RPIA: variants seen among roughly 807,000 people sequenced by gnomAD.
The protein encoded by RPIA is ribose-5-phosphate isomerase.
In RPIA, 29 loss-of-function variants were observed where a neutral mutation model predicts 37.8. That is an observed-to-expected ratio of 0.77 (90% confidence interval 0.57 to 1.05). RPIA has a LOEUF of 1.05. RPIA is among the 50% of genes least tolerant of loss of function. The pLI, the probability that RPIA is intolerant of heterozygous loss-of-function variation, is 0.00. For synonymous variants in RPIA, 167 were observed against 157.0 expected (o/e 1.06, Z -0.48); for missense variants, 385 against 413.6 (o/e 0.93, Z 0.60).
intron 1 of RPIA, among the ~76,000 whole-genome samples, chr2:88,693,048 CAG>C (rs749645167): frequency 5.3e-5 from 8 of 152,126 alleles, no homozygotes; most frequent in Non-Finnish European, 1.0e-4. Flanking sequence ...TGGGGATTAA[CAG>C]AGATAATGTA....
chr2:88,736,944 C>T (rs985903347), intron 7 of RPIA, among the ~76,000 whole-genome samples: 2 of 152,156 alleles, frequency 1.3e-5, no homozygotes, highest in African/African-American at 4.8e-5. Flanking sequence ...GTTCTGACAT[C>T]CCACAGGTGA....
At chr2:88,702,302 A>G (rs1389501626) in intron 3 of RPIA, among the ~76,000 whole-genome samples, 2 of 152,150 alleles carry the variant, frequency 1.3e-5, no homozygotes, top group Non-Finnish European at 2.9e-5. Flanking sequence ...CTACAGTCTC[A>G]TTTTTCCTCC....
intron 4 of RPIA, among the ~76,000 whole-genome samples, chr2:88,733,446 G>C (rs115044039): frequency 0.01 from 1,544 of 152,302 alleles, 20 homozygotes; most frequent in African/African-American, 0.036. Context: ...TGTGGGCAGA[G>C]CCAGGGGCAC....
intron 3 of RPIA, among the ~76,000 whole-genome samples, chr2:88,726,141 C>T (rs150227795): frequency 6.6e-6 from 1 of 152,062 alleles, no homozygotes; most frequent in African/African-American, 2.4e-5. Flanking sequence ...CACAGTGGGC[C>T]CCCCAGCTGC....
At chr2:88,734,738 A>T in intron 5 of RPIA, 122 bp downstream of exon 5, 1 of 1,047,806 alleles carries the variant, frequency 9.5e-7, no homozygotes, top group Non-Finnish European at 1.5e-6. Context: ...TTCTCCTAGG[A>T]TATTGATAGC....
At chr2:88,692,793 A>G (rs750081352) in intron 1 of RPIA, among the ~76,000 whole-genome samples, 1 of 152,188 alleles carries the variant, frequency 6.6e-6, no homozygotes, top group Non-Finnish European at 1.5e-5. Context: ...AGAAAGTGGT[A>G]TTAGAGTCTC....
At chr2:88,725,108 TC>T (rs2104117694) in intron 3 of RPIA, among the ~76,000 whole-genome samples, 1 of 152,234 alleles carries the variant, frequency 6.6e-6, no homozygotes, top group East Asian at 1.9e-4. Flanking sequence ...CCTTGCACTT[TC>T]CAGAACTCTG....
chr2:88,748,500 G>T (rs927675030), intron 8 of RPIA, among the ~76,000 whole-genome samples: 1 of 152,144 alleles, frequency 6.6e-6, no homozygotes, highest in African/African-American at 2.4e-5. Context: ...TCTACCAACA[G>T]TGTGTGCAGG....
chr2:88,743,745 T>C (rs1176464896), intron 8 of RPIA, among the ~76,000 whole-genome samples: 1 of 152,170 alleles, frequency 6.6e-6, no homozygotes, highest in Non-Finnish European at 1.5e-5. Context: ...TTTCTGTTTC[T>C]TCCTGCTTTA....
rs1672834978 is a variant in RPIA, at chr2:88,701,688, ATCAGGGACACAGAC to A, written c.402+1629_402+1642del. ...TCTGAGCCAAGTTTGAGGACTATAG[ATCAGGGACACAGAC>A]TCAGAGCAAACTGGGAGCGTGTCCC... On this transcript the variant is annotated intron_variant, in intron 3 of 8. Transcript: ENST00000283646. Among the ~76,000 whole-genome samples, 4 of 1,806 alleles carry A rather than the reference ATCAGGGACACAGAC, an allele frequency of 2.2e-3. No individual in the cohort carries two copies. The South Asian group carries it at 0.069, about 31-fold the overall frequency. The allele number at this position is 1,806 out of a possible 152,430, so 1.2% of individuals were successfully genotyped here. A position where few individuals can be genotyped will look rare whatever the true frequency, so the allele number is the denominator to read the frequency against.
intron 4 of RPIA, among the ~76,000 whole-genome samples, chr2:88,733,819 G>A (rs1673281498): frequency 1.3e-5 from 2 of 152,198 alleles, no homozygotes; most frequent in Admixed American, 1.3e-4. Flanking sequence ...AGAGTACCAT[G>A]AGTGATGAGA....
intron 3 of RPIA, among the ~76,000 whole-genome samples, chr2:88,713,717 T>G (rs1002749571): frequency 2.0e-5 from 3 of 152,204 alleles, no homozygotes; most frequent in African/African-American, 7.2e-5. Flanking sequence ...TGGTTCATCT[T>G]TCTGGGACCC....
chr2:88,735,727 G>T lies in RPIA; in HGVS notation c.586G>T (p.Ala196Ser). The stretch of plus-strand genomic sequence containing the variant: ...CTATGCTAGTCGCTTCATCGTGATC[G>T]CTGATTTCAGGTACAGTTTCTGGTG... ...AGYASRFIVI[A>S]DFRKDSKNLG... Residue 196 changes from alanine (A) to serine (S), a missense_variant, in exon 6 of 9, where the codon GCT becomes TCT. By Grantham distance (99) the Ala-to-Ser change is moderately conservative (BLOSUM62 1). This residue lies in a region of RPIA where 153 missense variants were observed against 210.6 expected (regional missense o/e 0.73). Transcript: ENST00000283646. The T allele has an allele frequency of 6.2e-7, 1 of 1,613,880 alleles. No individual in the cohort carries two copies. Among genetic ancestry groups the T allele is most frequent in the Non-Finnish European group, 8.5e-7 (1 of 1,179,828 alleles).
At chr2:88,719,292 A>G (rs1325691797) in intron 3 of RPIA, among the ~76,000 whole-genome samples, 2 of 152,226 alleles carry the variant, frequency 1.3e-5, no homozygotes, top group East Asian at 1.9e-4. Flanking sequence ...GATAACATAC[A>G]TTAAGTCATA....
chr2:88,696,499 T>G (rs58309047), intron 1 of RPIA, among the ~76,000 whole-genome samples: 6,514 of 151,088 alleles, frequency 0.043, 396 homozygotes, highest in African/African-American at 0.13. Flanking sequence ...TGTGTGTGTG[T>G]GGGGGGGCAT....
intron 3 of RPIA, among the ~76,000 whole-genome samples, chr2:88,727,035 G>A (rs1302422944): frequency 1.3e-5 from 2 of 152,226 alleles, no homozygotes; most frequent in Admixed American, 6.5e-5. Context: ...CACCGCGCAT[G>A]GCTGTTAGCG....
intron 3 of RPIA, among the ~76,000 whole-genome samples, chr2:88,701,466 G>A (rs952621190): frequency 6.6e-6 from 1 of 151,832 alleles, no homozygotes. Flanking sequence ...AATAATTCAA[G>A]TCTTTTTATT....
intron 8 of RPIA, among the ~76,000 whole-genome samples, chr2:88,746,670 T>G (rs1573481299): frequency 6.6e-6 from 1 of 151,990 alleles, no homozygotes; most frequent in Non-Finnish European, 1.5e-5. Context: ...GGCAGGAGAG[T>G]GAAGTGGACT....
At chr2:88,742,600 G>C (rs1022129988) in intron 8 of RPIA, among the ~76,000 whole-genome samples, 3 of 152,068 alleles carry the variant, frequency 2.0e-5, no homozygotes, top group Non-Finnish European at 4.4e-5. Context: ...GCGGTATTTC[G>C]ATGGGAATGG....
Sources: gnomAD v4.1 joint callset for allele counts (sites outside exome capture counted in the v4.1 genomes callset) on GRCh38, gnomAD v4.1.1 for gene constraint, gnomAD v4.1.1 regional missense constraint, MANE v1.5 for transcripts, NCBI Gene and HGNC (gene_info 2026-07-23, HGNC 2026-07-21) for gene names.